PREX1: variants seen among roughly 807,000 people sequenced by gnomAD.
PREX1 encodes phosphatidylinositol 3,4,5-trisphosphate-dependent Rac exchanger 1 protein.
PREX1 carries 41 observed loss-of-function variants against 198.3 expected under a neutral mutation model. That is an observed-to-expected ratio of 0.21 (90% CI 0.16 to 0.27). The LOEUF (loss-of-function observed/expected upper bound fraction) is 0.27, where lower values mean the gene tolerates loss of function less well. PREX1 is among the 10% of genes least tolerant of loss of function. The pLI, the probability that PREX1 is intolerant of heterozygous loss-of-function variation, is 1.00. For missense variants in PREX1, 1,620 were observed against 2,200.7 expected (o/e 0.74, Z 5.28); for synonymous variants, 843 against 887.2 (o/e 0.95, Z 0.89).
chr20:48,728,024 A>C (rs2090017541), intron 4 of PREX1, among the ~76,000 whole-genome samples: 1 of 152,144 alleles, frequency 6.6e-6, no homozygotes, highest in Non-Finnish European at 1.5e-5. Context: ...CCAACTAACT[A>C]ATGAAGGAAC....
intron 5 of PREX1, among the ~76,000 whole-genome samples, chr20:48,720,815 T>C (rs1339750360): frequency 6.6e-6 from 1 of 151,962 alleles, no homozygotes; most frequent in East Asian, 1.9e-4. Context: ...CCCAGCCAAG[T>C]AGACAGAGGT....
intron 1 of PREX1, among the ~76,000 whole-genome samples, chr20:48,763,158 G>A (rs2090191122): frequency 6.6e-6 from 1 of 152,190 alleles, no homozygotes; most frequent in Admixed American, 6.5e-5. Context: ...ACCAAAAGAA[G>A]AAAAAAGAAA....
chr20:48,807,307 T>C (rs1403817727), intron 1 of PREX1, among the ~76,000 whole-genome samples: 2 of 150,924 alleles, frequency 1.3e-5, no homozygotes, highest in Non-Finnish European at 3.0e-5. Flanking sequence ...CTTTTTTGTG[T>C]TTTTTTTTCT....
intron 25 of PREX1, among the ~76,000 whole-genome samples, chr20:48,648,366 C>T (rs1474523465): frequency 2.0e-5 from 3 of 152,230 alleles, no homozygotes. Flanking sequence ...AAAGACACTT[C>T]TACTTGTCTT....
intron 1 of PREX1, among the ~76,000 whole-genome samples, chr20:48,775,218 C>T (rs558089758): frequency 1.3e-5 from 2 of 152,222 alleles, no homozygotes; most frequent in African/African-American, 4.8e-5. Context: ...AAGCTCCTGC[C>T]CTCACGGAGC....
chr20:48,843,213 C>T, the PREX1 span, among the ~76,000 whole-genome samples: 4 of 152,276 alleles, frequency 2.6e-5, no homozygotes, highest in South Asian at 4.1e-4. Flanking sequence ...AGGGAAAATA[C>T]GGAATATATT....
the PREX1 span, among the ~76,000 whole-genome samples, chr20:48,861,245 T>C: frequency 6.6e-6 from 1 of 152,174 alleles, no homozygotes; most frequent in Non-Finnish European, 1.5e-5. Context: ...AGTTCTAACA[T>C]TGACTTTGGG....
the PREX1 span, among the ~76,000 whole-genome samples, chr20:48,851,706 G>A: frequency 6.6e-6 from 1 of 151,936 alleles, no homozygotes. Context: ...ATTTGTCCCC[G>A]CCTTCCTGAA....
chr20:48,709,628 C>A (rs1489477213), intron 5 of PREX1, among the ~76,000 whole-genome samples: 1 of 152,186 alleles, frequency 6.6e-6, no homozygotes, highest in East Asian at 1.9e-4. Context: ...AGCCTAAGGC[C>A]TCGAAGAAGT....
intron 16 of PREX1, among the ~76,000 whole-genome samples, chr20:48,659,233 A>AAAGGAAGG (rs373009346): frequency 1.0e-3 from 99 of 98,948 alleles, no homozygotes; most frequent in Non-Finnish European, 1.2e-3. Flanking sequence ...GAGAGAAAGA[A>AAAGGAAGG]AAGGAAGGAA....
At chr20:48,825,839 A>G (rs750054869) in intron 1 of PREX1, among the ~76,000 whole-genome samples, 4 of 149,760 alleles carry the variant, frequency 2.7e-5, no homozygotes, top group Non-Finnish European at 5.9e-5. Flanking sequence ...GCCAGCTTCT[A>G]ACAGAACAAA....
chr20:48,855,392 G>C, the PREX1 span, among the ~76,000 whole-genome samples: 1 of 152,150 alleles, frequency 6.6e-6, no homozygotes. Context: ...TGGGTACCAA[G>C]TCCATCCTGG....
At chr20:48,724,626 T>A (rs546418818) in intron 5 of PREX1, among the ~76,000 whole-genome samples, 9 of 152,174 alleles carry the variant, frequency 5.9e-5, no homozygotes, top group Admixed American at 1.3e-4. Context: ...ACAAAGCTTT[T>A]AAAAAAAAGA....
At chr20:48,650,317 A>T in intron 23 of PREX1, 111 bp from the exon 24 acceptor site, 1 of 1,038,918 alleles carries the variant, frequency 9.6e-7, no homozygotes. Context: ...CCACAGTTGG[A>T]CAAAATGCCA....
the PREX1 span, among the ~76,000 whole-genome samples, chr20:48,866,103 C>T: frequency 0.013 from 2,040 of 152,222 alleles, 44 homozygotes; most frequent in African/African-American, 0.047. Flanking sequence ...TGTGTGCCAC[C>T]ATACCTGGCT....
At chr20:48,713,132 C>A (rs971296150) in intron 5 of PREX1, among the ~76,000 whole-genome samples, 1 of 151,158 alleles carries the variant, frequency 6.6e-6, no homozygotes, top group Non-Finnish European at 1.5e-5. Context: ...CAGAGCAAGA[C>A]TCCATCTTAA....
intron 26 of PREX1, among the ~76,000 whole-genome samples, chr20:48,644,909 G>A (rs1377837652): frequency 2.0e-5 from 3 of 152,186 alleles, no homozygotes; most frequent in African/African-American, 4.8e-5. Flanking sequence ...GATTCCCTAC[G>A]GCCCAGGAAC....
At chr20:48,816,424 C>G (rs868037585) in intron 1 of PREX1, among the ~76,000 whole-genome samples, 1 of 152,032 alleles carries the variant, frequency 6.6e-6, no homozygotes, top group African/African-American at 2.4e-5. Flanking sequence ...ATGACAGAGG[C>G]GAAGGGATTT....
chr20:48,702,206 T>TAA (rs71184231), intron 6 of PREX1, among the ~76,000 whole-genome samples: 19,653 of 122,548 alleles, frequency 0.16, 1,729 homozygotes, highest in Middle Eastern at 0.28. Flanking sequence ...GGACTCTGTC[T>TAA]AAAAAAAAAA....
Sources: allele counts gnomAD v4.1 joint callset (sites outside exome capture counted in the v4.1 genomes callset), GRCh38; gene constraint gnomAD v4.1.1; transcripts MANE v1.5; gene names NCBI Gene and HGNC (gene_info 2026-07-23, HGNC 2026-07-21).